WDR86: variants seen among roughly 807,000 people sequenced by gnomAD.
WDR86 encodes WD repeat domain 86, also known as WD repeat-containing protein 86.
In WDR86, 30 loss-of-function variants were observed where a neutral mutation model predicts 36.5. The ratio of observed to expected loss-of-function variants is 0.82; its 90% CI spans 0.61 to 1.11. The LOEUF (loss-of-function observed/expected upper bound fraction) is 1.11. WDR86 is among the 50% of genes most tolerant of loss of function. The pLI, the probability that WDR86 is intolerant of heterozygous loss-of-function variation, is 0.00. For missense variants in WDR86, 545 were observed against 561.2 expected, an observed-to-expected ratio of 0.97 and a Z score of 0.29; for synonymous variants, 255 against 252.9, an observed-to-expected ratio of 1.01 and a Z score of -0.08.
chr7:151,398,631 A>G (rs1262788523), intron 2 of WDR86, among the ~76,000 whole-genome samples: 1 of 146,996 alleles, frequency 6.8e-6, no homozygotes, highest in Non-Finnish European at 1.5e-5. Flanking sequence ...AAGTTTGTGT[A>G]TGAGTGTGTA....
In WDR86 at chr7:151,406,961, A is replaced by G. The variant is rs976059319; in HGVS notation, c.163+2466T>C. On this transcript the variant is annotated intron_variant, in intron 1 of 5. Coordinates refer to ENST00000334493, the MANE Select transcript of WDR86 (RefSeq NM_198285.3). This position sits in a 1 kb window ranked among gnomAD's most constrained non-coding sequence, Gnocchi z 4.4. ...AAAAAAAATCCTGCAGGAGAAAGGA[A>G]CTGGCAACACCTTGCTTTCTTTGGG... Among the ~76,000 whole-genome samples the G allele has an allele frequency of 5.9e-5, 9 of 152,218 alleles. No homozygotes were observed. Among genetic ancestry groups the G allele is most frequent in the African/African-American group, 2.2e-4 (9 of 41,518 alleles).
intron 2 of WDR86, among the ~76,000 whole-genome samples, chr7:151,398,177 C>T (rs914380748): frequency 6.6e-6 from 1 of 151,746 alleles, no homozygotes; most frequent in Non-Finnish European, 1.5e-5. Context: ...CCTGCATGTA[C>T]TTTGTGTGTA....
intron 3 of WDR86, among the ~76,000 whole-genome samples, chr7:151,389,821 A>T (rs559690069): frequency 6.6e-6 from 1 of 152,328 alleles, no homozygotes; most frequent in Non-Finnish European, 1.5e-5. Flanking sequence ...AGTGACCCCG[A>T]CTGCATGCCG....
downstream of WDR86, chr7:151,380,982 CCCA>C (rs1584987495): frequency 3.7e-6 from 1 of 270,036 alleles, no homozygotes; most frequent in East Asian, 9.6e-5. Flanking sequence ...CCGCAGCGCA[CCCA>C]CAAGTCACCC....
Position 151,409,508 on chromosome 7 carries a change from GC to G in WDR86, c.81del (p.Gln28SerfsTer4). ...TCCTCGCTGCCCGTCAGCAGGCGCT[GC>G]CCGTCGGGGCTCAGGCTCAGCCAGT... ...GINWLSLSPD[G>X]QRLLTGSEDG... On this transcript the variant is annotated frameshift_variant, in exon 1 of 6. Coordinates refer to ENST00000334493, the MANE Select transcript of WDR86 (RefSeq NM_198285.3). LOFTEE classifies it high-confidence loss of function. The surrounding 1 kb of genome is among the most constrained non-coding windows in gnomAD (Gnocchi z 5.2). The G allele has an allele frequency of 6.5e-7, 1 of 1,532,466 alleles. No individual in the cohort carries two copies. The highest frequency in any genetic ancestry group is 8.7e-7 in the Non-Finnish European group (1 of 1,145,514). 94.9% of individuals were successfully genotyped at this position (1,532,466 alleles called of 1,614,324 possible). A position where few individuals can be genotyped will look rare whatever the true frequency, so the allele number is the denominator to read the frequency against.
At chr7:151,379,195 C>T (rs977735405), downstream of WDR86, among the ~76,000 whole-genome samples, 3 of 151,894 alleles carry the variant, frequency 2.0e-5, no homozygotes, top group Admixed American at 1.3e-4. Context: ...CCAGAAGGTG[C>T]GGGTTGTGGG....
downstream of WDR86, chr7:151,376,438 C>T (rs61612466): frequency 1.2e-5 from 7 of 580,244 alleles, no homozygotes; most frequent in South Asian, 5.0e-5. Flanking sequence ...CTGACGCACC[C>T]GACTTGAGTC....
At chr7:151,408,687 G>A in intron 1 of WDR86, 1 of 339,084 alleles carries the variant, frequency 2.9e-6, no homozygotes, top group South Asian at 2.3e-5. Context: ...TGCTACCTGG[G>A]CAGTAGGAGG....
intron 1 of WDR86, among the ~76,000 whole-genome samples, chr7:151,402,047 C>CAA (rs71198714): frequency 0.014 from 200 of 14,742 alleles, 7 homozygotes; most frequent in Non-Finnish European, 0.014. Flanking sequence ...AACTCTGCCT[C>CAA]AAAAAAAAAA....
At chr7:151,380,974 G>T (rs1212371871), downstream of WDR86, 5 of 238,978 alleles carry the variant, frequency 2.1e-5, no homozygotes, top group African/African-American at 2.3e-5. Flanking sequence ...GGGCAGCCCC[G>T]CAGCGCACCC....
At position 151,409,477 on chromosome 7, in the gene WDR86, G is replaced by T; in HGVS notation, c.113C>A (p.Thr38Lys). The T allele has an allele frequency of 1.3e-6, 2 of 1,536,940 alleles. No homozygotes were observed. Among genetic ancestry groups the T allele is most frequent in the Non-Finnish European group, 8.7e-7 (1 of 1,147,114 alleles). Reference protein sequence around the residue: ...QRLLTGSEDGTARLWSTADGQ... With the variant: ...QRLLTGSEDGKARLWSTADGQ... ...GTCCGCGGTGCTCCAGAGCCGGGCCGTGCCGTCCTCGCTGCCCGTCAGCAG... is the reference window on the plus strand; with the variant it reads ...GTCCGCGGTGCTCCAGAGCCGGGCCTTGCCGTCCTCGCTGCCCGTCAGCAG... Residue 38 changes from threonine (T) to lysine (K), a missense_variant, in exon 1 of 6, where the codon ACG (threonine) becomes AAG (lysine). Coordinates refer to ENST00000334493, the MANE Select transcript of WDR86 (RefSeq NM_198285.3). This position sits in a 1 kb window ranked among gnomAD's most constrained non-coding sequence, Gnocchi z 5.2.
chr7:151,410,099 C>A (rs1801104898), upstream of WDR86: 5 of 983,722 alleles, frequency 5.1e-6, no homozygotes, highest in Non-Finnish European at 6.0e-6. Flanking sequence ...TCTCGGGCTG[C>A]GCCCCAGCCC....
intron 4 of WDR86, among the ~76,000 whole-genome samples, chr7:151,382,282 C>A (rs1798654972): frequency 6.6e-6 from 1 of 152,216 alleles, no homozygotes; most frequent in Admixed American, 6.5e-5. Context: ...TGGGAAGCCC[C>A]TGCCTGGGGA....
At chr7:151,387,636 C>T (rs890281423) in intron 3 of WDR86, among the ~76,000 whole-genome samples, 16 of 152,092 alleles carry the variant, frequency 1.1e-4, no homozygotes, top group East Asian at 5.8e-4. Context: ...CCCGGGGCTC[C>T]GCCGCTGAGG....
At chr7:151,410,356 C>T (rs368229199), upstream of WDR86, among the ~76,000 whole-genome samples, 26 of 152,324 alleles carry the variant, frequency 1.7e-4, no homozygotes, top group East Asian at 4.8e-3. Flanking sequence ...GACCCCTCGG[C>T]TACTCGCCTC....
At chr7:151,372,905 G>A (rs1004323260), downstream of WDR86, among the ~76,000 whole-genome samples, 6 of 152,116 alleles carry the variant, frequency 3.9e-5, no homozygotes, top group Non-Finnish European at 8.8e-5. Flanking sequence ...GCACTCCAGG[G>A]CCACACCAGG....
intron 1 of WDR86, among the ~76,000 whole-genome samples, chr7:151,407,828 C>T (rs773513139): frequency 1.3e-5 from 2 of 152,012 alleles, no homozygotes; most frequent in African/African-American, 2.4e-5. Flanking sequence ...GCAACAAGAG[C>T]GAAACTCCAT....
chr7:151,384,027 G>A (rs1017359978), intron 4 of WDR86, among the ~76,000 whole-genome samples: 3 of 152,298 alleles, frequency 2.0e-5, no homozygotes, highest in East Asian at 1.9e-4. Flanking sequence ...AGGAACAAAC[G>A]AAAAATAATT....
downstream of WDR86, among the ~76,000 whole-genome samples, chr7:151,372,268 T>C (rs971354609): frequency 6.6e-6 from 1 of 152,266 alleles, no homozygotes; most frequent in Non-Finnish European, 1.5e-5. Flanking sequence ...TTGATCTACT[T>C]TATCTTTCTA....
Sources: gnomAD v4.1 joint callset for allele counts (sites outside exome capture counted in the v4.1 genomes callset) on GRCh38, gnomAD v4.1.1 for gene constraint, Gnocchi (gnomAD v3.1) non-coding constraint, MANE v1.5 for transcripts, NCBI Gene and HGNC (gene_info 2026-07-23, HGNC 2026-07-21) for gene names.